PRH1: variants seen among roughly 807,000 people sequenced by gnomAD.
PRH1 encodes the protein salivary acidic proline-rich phosphoprotein 1/2.
Under a neutral mutation model 7.9 loss-of-function variants are expected in PRH1, and 7 were observed. That is an observed-to-expected ratio of 0.89 (90% CI 0.50 to 1.67). PRH1 has a LOEUF of 1.67. PRH1 is among the 40% of genes most tolerant of loss of function. The probability of loss-of-function intolerance (pLI) is 0.00; values close to 1 mark genes in which losing one functional copy is unlikely to be tolerated. For missense variants in PRH1, 109 were observed against 223.6 expected (o/e 0.49, Z 3.27); for synonymous variants, 45 against 80.8 (o/e 0.56, Z 2.38).
intron 2 of PRH1, among the ~76,000 whole-genome samples, chr12:10,920,104 A>G (rs76718276): frequency 0.057 from 8,653 of 151,990 alleles, 811 homozygotes; most frequent in African/African-American, 0.2. Context: ...GTGTTGCTCA[A>G]GTGGGTCTTG....
At chr12:10,958,711 G>A (rs947735021) in intron 2 of PRH1, among the ~76,000 whole-genome samples, 5 of 152,156 alleles carry the variant, frequency 3.3e-5, no homozygotes, top group African/African-American at 4.8e-5. Context: ...AGGGACACAA[G>A]TATGAAGTCC....
chr12:10,929,400 G>C, intron 2 of PRH1: 1 of 1,596,372 alleles, frequency 6.3e-7, no homozygotes. Context: ...ATGCTATAGA[G>C]GGGGAAAGTG....
chr12:11,083,745 T>G (rs73062996), intron 1 of PRH1, among the ~76,000 whole-genome samples: 23 of 149,732 alleles, frequency 1.5e-4, no homozygotes, highest in Non-Finnish European at 7.5e-5. Context: ...TATGTCTCAC[T>G]TTAGAATTTC....
At chr12:11,037,770 T>C (rs1373211025) in intron 1 of PRH1, among the ~76,000 whole-genome samples, 3 of 152,386 alleles carry the variant, frequency 2.0e-5, no homozygotes, top group Middle Eastern at 6.8e-3. Flanking sequence ...TCAGGTGTGG[T>C]GGCTCACACC....
chr12:10,925,085 T>C (rs1950106030), intron 2 of PRH1, among the ~76,000 whole-genome samples: 1 of 152,210 alleles, frequency 6.6e-6, no homozygotes. Flanking sequence ...TAAAAGCTTG[T>C]GGATTCAACT....
chr12:11,145,475 G>T (rs1946834560), intron 1 of PRH1, among the ~76,000 whole-genome samples: 1 of 152,132 alleles, frequency 6.6e-6, no homozygotes, highest in Non-Finnish European at 1.5e-5. Context: ...TTACAGGTGT[G>T]AGCCACCATA....
chr12:11,019,726 C>T (rs1941496972), intron 1 of PRH1, among the ~76,000 whole-genome samples: 2 of 152,282 alleles, frequency 1.3e-5, no homozygotes, highest in South Asian at 4.1e-4. Flanking sequence ...AGTTTGCTAG[C>T]TTTTATTTTT....
chr12:10,997,458 A>G, intron 1 of PRH1: 4 of 1,614,050 alleles, frequency 2.5e-6, no homozygotes, highest in Non-Finnish European at 3.4e-6. Context: ...TGACAAACCA[A>G]AAAGAACAAA....
intron 1 of PRH1, among the ~76,000 whole-genome samples, chr12:11,035,497 G>C (rs1942398697): frequency 6.6e-6 from 1 of 151,982 alleles, no homozygotes; most frequent in Admixed American, 6.5e-5. Flanking sequence ...ATGAACTTTT[G>C]TTCTCCTTAT....
At chr12:10,929,051 C>T (rs1308504606) in intron 2 of PRH1, among the ~76,000 whole-genome samples, 1 of 152,196 alleles carries the variant, frequency 6.6e-6, no homozygotes. Flanking sequence ...TAGAAATTAG[C>T]CACAAACAAC....
At chr12:11,020,438 GTTAAC>G (rs1479672072) in intron 1 of PRH1, among the ~76,000 whole-genome samples, 1 of 148,444 alleles carries the variant, frequency 6.7e-6, no homozygotes, top group Non-Finnish European at 1.5e-5. Flanking sequence ...ATGATGTGGA[GTTAAC>G]TTATTTTAAG....
intron 2 of PRH1, among the ~76,000 whole-genome samples, chr12:10,972,475 C>T (rs1458680767): frequency 6.6e-6 from 1 of 152,166 alleles, no homozygotes; most frequent in East Asian, 1.9e-4. Context: ...AACTACTATT[C>T]ATACACTGTT....
intron 1 of PRH1, among the ~76,000 whole-genome samples, chr12:11,130,204 G>A (rs1371932847): frequency 1.3e-5 from 2 of 152,180 alleles, no homozygotes; most frequent in Non-Finnish European, 2.9e-5. Flanking sequence ...GAAATGGCAA[G>A]TTTCTTCAGT....
intron 1 of PRH1, among the ~76,000 whole-genome samples, chr12:11,165,894 A>C (rs1355843589): frequency 6.6e-6 from 1 of 152,198 alleles, no homozygotes; most frequent in Admixed American, 6.5e-5. Flanking sequence ...CTCTTTCTAC[A>C]CTTGTGTCCC....
At chr12:11,052,930 TG>T (rs1555148769) in intron 1 of PRH1, among the ~76,000 whole-genome samples, 150 of 51,858 alleles carry the variant, frequency 2.9e-3, no homozygotes, top group Middle Eastern at 6.5e-3. Context: ...TTTGATTTTT[TG>T]TTTTTTGTTT....
At chr12:10,893,823 TAGAG>T (rs1277908128) in intron 2 of PRH1, among the ~76,000 whole-genome samples, 2 of 152,218 alleles carry the variant, frequency 1.3e-5, no homozygotes, top group African/African-American at 2.4e-5. Context: ...TTTTTTTTCT[TAGAG>T]AGAACGTAAT....
At chr12:11,161,042 CAATGT>C (rs1385442784) in intron 1 of PRH1, among the ~76,000 whole-genome samples, 4 of 152,064 alleles carry the variant, frequency 2.6e-5, no homozygotes, top group Admixed American at 2.6e-4. Context: ...AAAAGCTGAA[CAATGT>C]AATGTGAGTG....
At position 11,099,566 on chromosome 12, in the gene PRH1, G is replaced by C. The variant is rs544134767; in HGVS notation, n.124-52378C>G. ...ACAAAAATTAGGTGGGCTCAGTGGA[G>C]TGTGCCTGTAGTCCCATCTACTCAG... is the stretch of plus-strand genomic sequence containing the variant. On this transcript the variant is annotated intron_variant and non_coding_transcript_variant, in intron 1 of 4. Transcript: ENST00000541977. 7.2e-4 allele frequency among the ~76,000 whole-genome samples: 110 copies of C among 152,232 alleles called. 1 individual carries two copies. Among genetic ancestry groups the C allele is most frequent in the African/African-American group, 2.5e-3 (105 of 41,558 alleles).
intron 1 of PRH1, among the ~76,000 whole-genome samples, chr12:11,124,478 T>TAAAA (rs1946034361): frequency 6.6e-6 from 1 of 152,218 alleles, no homozygotes; most frequent in Non-Finnish European, 1.5e-5. Context: ...AATCTTTTTA[T>TAAAA]AGTGTTCCTT....
Sources: gnomAD v4.1 joint callset for allele counts (sites outside exome capture counted in the v4.1 genomes callset) on GRCh38, gnomAD v4.1.1 for gene constraint, MANE v1.5 for transcripts, NCBI Gene and HGNC (gene_info 2026-07-23, HGNC 2026-07-21) for gene names.